The following PCTP variants were observed in gnomAD, a reference collection of about 807,000 sequenced individuals.
PCTP encodes the protein phosphatidylcholine transfer protein, also known as START domain-containing protein 2.
PCTP carries 27 observed loss-of-function variants against 31.0 expected under a neutral mutation model. The observed-to-expected ratio is 0.87, with a 90% CI of 0.64 to 1.20. PCTP has a LOEUF of 1.20. PCTP is among the 50% of genes most tolerant of loss of function. The pLI is 0.00. For synonymous variants in PCTP, 108 were observed against 101.2 expected, an observed-to-expected ratio of 1.07 and a Z score of -0.40; for missense variants, 287 against 268.2, an observed-to-expected ratio of 1.07 and a Z score of -0.49.
intron 2 of PCTP, chr17:55,769,968 TG>T (rs937993949): frequency 6.6e-6 from 1 of 152,206 alleles, no homozygotes; most frequent in Non-Finnish European, 1.5e-5. Flanking sequence ...GTGACCTTAA[TG>T]GGCTGGCACA....
At chr17:55,756,447 A>T (rs1474996624) in intron 1 of PCTP, among the ~76,000 whole-genome samples, 5 of 152,178 alleles carry the variant, frequency 3.3e-5, no homozygotes, top group Non-Finnish European at 7.3e-5. Flanking sequence ...GCCGATTTGA[A>T]TAATGCAAAT....
At chr17:55,843,768 C>T (rs1906060118), downstream of PCTP, among the ~76,000 whole-genome samples, 2 of 152,108 alleles carry the variant, frequency 1.3e-5, no homozygotes. Flanking sequence ...TCTCTTACCC[C>T]AGCTTCCAGA....
chr17:55,827,054 AT>A (rs1207648256), downstream of PCTP, among the ~76,000 whole-genome samples: 9 of 146,266 alleles, frequency 6.2e-5, no homozygotes, highest in African/African-American at 2.0e-4. Context: ...AAAAAAAAAA[AT>A]GGCCAGAATT....
At chr17:55,849,197 T>TA in the PCTP span, among the ~76,000 whole-genome samples, 4 of 151,680 alleles carry the variant, frequency 2.6e-5, no homozygotes, top group Non-Finnish European at 4.4e-5. Context: ...TGGAAAGTAT[T>TA]AAAAAAAAGA....
chr17:55,757,257 T>C (rs1401054739), intron 1 of PCTP, among the ~76,000 whole-genome samples: 3 of 141,634 alleles, frequency 2.1e-5, no homozygotes, highest in African/African-American at 9.3e-5. Flanking sequence ...TATATACACA[T>C]ATATGTGTAT....
chr17:55,759,456 C>A (rs553703238), intron 1 of PCTP, among the ~76,000 whole-genome samples: 1 of 152,330 alleles, frequency 6.6e-6, no homozygotes, highest in African/African-American at 2.4e-5. Context: ...TACTTCCCAG[C>A]AGCAGCTGCA....
intron 3 of PCTP, among the ~76,000 whole-genome samples, chr17:55,791,459 GA>G (rs1319175034): frequency 6.8e-6 from 1 of 146,836 alleles, no homozygotes; most frequent in Non-Finnish European, 1.5e-5. Flanking sequence ...AAATTTACAA[GA>G]AAAAAACAAA....
At chr17:55,809,292 A>C (rs1006205368) in intron 3 of PCTP, among the ~76,000 whole-genome samples, 1 of 152,162 alleles carries the variant, frequency 6.6e-6, no homozygotes, top group African/African-American at 2.4e-5. Context: ...TTTTTCCTTT[A>C]TTTGAAAAGT....
Position 55,802,228 on chromosome 17 carries a change from C to T in PCTP, c.317+14574C>T, listed in dbSNP as rs374633893. ...CTGAAATTGAGGTAGTAAGTAATAGCCTACCAACCAAAAAAAGCTCAGGAC... is the reference window on the plus strand; with the variant it reads ...CTGAAATTGAGGTAGTAAGTAATAGTCTACCAACCAAAAAAAGCTCAGGAC... On this transcript the variant is annotated intron_variant, in intron 3 of 3. Coordinates refer to the PCTP transcript ENST00000572536. Among the ~76,000 whole-genome samples, 21 of 152,236 alleles carry T rather than the reference C, an allele frequency of 1.4e-4. 2 individuals carry two copies. The highest frequency in any genetic ancestry group is 9.2e-4 in the Admixed American group (14 of 15,288).
At chr17:55,751,894 C>G (rs759251289) in intron 1 of PCTP, among the ~76,000 whole-genome samples, 3 of 152,188 alleles carry the variant, frequency 2.0e-5, no homozygotes, top group Non-Finnish European at 4.4e-5. Context: ...CCCCTGAGGC[C>G]TGTCATCCAA....
intron 2 of PCTP, among the ~76,000 whole-genome samples, chr17:55,768,496 C>T (rs916972514): frequency 2.0e-5 from 3 of 152,148 alleles, no homozygotes; most frequent in Admixed American, 6.5e-5. Flanking sequence ...GTCAGGAAAG[C>T]GTGAAGCAAT....
intron 2 of PCTP, among the ~76,000 whole-genome samples, chr17:55,786,575 A>G (rs1348175531): frequency 1.3e-5 from 2 of 152,202 alleles, no homozygotes; most frequent in Non-Finnish European, 2.9e-5. Flanking sequence ...TTGACCTCAG[A>G]TTTACTGTCA....
intron 5 of PCTP, among the ~76,000 whole-genome samples, chr17:55,833,436 A>T (rs936505608): frequency 6.6e-6 from 1 of 152,220 alleles, no homozygotes; most frequent in African/African-American, 2.4e-5. Flanking sequence ...CAATTTATCC[A>T]CAGTGCTGGT....
intron 1 of PCTP, among the ~76,000 whole-genome samples, chr17:55,758,827 C>T (rs1372447630): frequency 2.0e-5 from 3 of 152,178 alleles, no homozygotes; most frequent in Non-Finnish European, 4.4e-5. Flanking sequence ...TGCGAGAATG[C>T]TGGTCTCAAG....
intron 3 of PCTP, among the ~76,000 whole-genome samples, chr17:55,812,881 A>G (rs1280353757): frequency 6.6e-6 from 1 of 152,220 alleles, no homozygotes; most frequent in Non-Finnish European, 1.5e-5. Flanking sequence ...TTTAGTTAGA[A>G]AAAGTTCTCA....
At position 55,776,408 on chromosome 17, in the gene PCTP, A is replaced by G. The variant is rs1277856718; in HGVS notation, c.*308A>G. The G allele has an allele frequency of 3.2e-6, 4 of 1,251,150 alleles. No homozygotes were observed. Among genetic ancestry groups the G allele is most frequent in the East Asian group, 3.1e-5 (1 of 32,336 alleles). The allele number at this position is 1,251,150 out of a possible 1,614,324, so 77.5% of individuals were successfully genotyped here. A position where few individuals can be genotyped will look rare whatever the true frequency, so the allele number is the denominator to read the frequency against. ...CTAGGGAAACCTTTGCTTGCTTACT[A>G]TTAGGAGGGGAAGTCTTCAGTAGGG... On this transcript the variant is annotated 3_prime_UTR_variant, in exon 6 of 6. Transcript: ENST00000268896.
chr17:55,805,886 A>G (rs866119676), intron 3 of PCTP, among the ~76,000 whole-genome samples: 8 of 142,858 alleles, frequency 5.6e-5, no homozygotes, highest in Admixed American at 1.4e-4. Flanking sequence ...CTCAATCTGT[A>G]TGTGTGTGTG....
At chr17:55,802,080 A>G (rs1306313808) in intron 3 of PCTP, among the ~76,000 whole-genome samples, 4 of 152,254 alleles carry the variant, frequency 2.6e-5, no homozygotes, top group Admixed American at 1.3e-4. Flanking sequence ...ACAGAATACT[A>G]TAAACACCTC....
chr17:55,846,022 T>G (rs1347891806), downstream of PCTP, among the ~76,000 whole-genome samples: 2 of 152,102 alleles, frequency 1.3e-5, no homozygotes, highest in Admixed American at 6.5e-5. Flanking sequence ...TGTTCCTCTC[T>G]GTAGGTTCAG....
Sources: gnomAD v4.1 joint callset for allele counts (sites outside exome capture counted in the v4.1 genomes callset) on GRCh38, gnomAD v4.1.1 for gene constraint, MANE v1.5 for transcripts, NCBI Gene and HGNC (gene_info 2026-07-23, HGNC 2026-07-21) for gene names.